PALS1: variants seen among roughly 807,000 people sequenced by gnomAD.
The protein encoded by PALS1 is protein PALS1.
Under a neutral mutation model 78.9 loss-of-function variants are expected in PALS1, and 31 were observed. The observed-to-expected ratio is 0.39, with a 90% confidence interval of 0.30 to 0.53. PALS1 has a LOEUF of 0.53. Among genes scored for constraint, PALS1 ranks in the 20% least tolerant of loss-of-function variants. The pLI is 0.67. For missense variants in PALS1, 704 were observed against 826.5 expected, an observed-to-expected ratio of 0.85 and a Z score of 1.82; for synonymous variants, 276 against 270.9, an observed-to-expected ratio of 1.02 and a Z score of -0.18.
chr14:67,269,573 AAG>A (rs1284016783), intron 1 of PALS1, 126 bp from the exon 2 acceptor site: 1 of 152,534 alleles, frequency 6.6e-6, no homozygotes, highest in Non-Finnish European at 1.5e-5. Context: ...ATTTCTGACT[AAG>A]AAATCCTAGC....
At chr14:67,293,498 G>A (rs1349758308) in intron 4 of PALS1, among the ~76,000 whole-genome samples, 1 of 152,126 alleles carries the variant, frequency 6.6e-6, no homozygotes, top group Non-Finnish European at 1.5e-5. Flanking sequence ...TATAAAATAG[G>A]TTAGAAGGTA....
chr14:67,258,527 T>C (rs2084181210), intron 1 of PALS1, among the ~76,000 whole-genome samples: 1 of 152,014 alleles, frequency 6.6e-6, no homozygotes, highest in Admixed American at 6.5e-5. Context: ...GCTTAGGTGA[T>C]CCTCTTGCCT....
chr14:67,327,557 G>A (rs1324160417), intron 14 of PALS1, among the ~76,000 whole-genome samples: 1 of 151,834 alleles, frequency 6.6e-6, no homozygotes, highest in Non-Finnish European at 1.5e-5. Context: ...TGTTACGTAT[G>A]TATACATGTG....
At chr14:67,245,863 C>T (rs1204564737) in intron 1 of PALS1, among the ~76,000 whole-genome samples, 2 of 148,990 alleles carry the variant, frequency 1.3e-5, no homozygotes, top group Non-Finnish European at 2.9e-5. Flanking sequence ...GATTTTTCTC[C>T]AATTTTTTTT....
At chr14:67,263,993 G>A (rs1198479043) in intron 1 of PALS1, among the ~76,000 whole-genome samples, 2 of 152,084 alleles carry the variant, frequency 1.3e-5, no homozygotes, top group African/African-American at 4.8e-5. Context: ...GAACTCCTGG[G>A]CTTAAGTGAT....
At chr14:67,323,867 T>C (rs1022022706) in intron 14 of PALS1, 55 bp downstream of exon 14, 4 of 885,070 alleles carry the variant, frequency 4.5e-6, no homozygotes, top group Non-Finnish European at 7.1e-6. Flanking sequence ...GAAACAGTCC[T>C]GGTCTAATTT....
Position 67,301,896 on chromosome 14 carries a change from T to A in PALS1, c.655-76T>A, listed in dbSNP as rs1053613031. 2.0e-5 allele frequency: 29 copies of A among 1,437,604 alleles called. No homozygotes were observed. In the East Asian group the frequency reaches 6.7e-4, roughly 33 times the overall value. 89.1% of individuals were successfully genotyped at this position (1,437,604 alleles called of 1,614,324 possible). A position where few individuals can be genotyped will look rare whatever the true frequency, so the allele number is the denominator to read the frequency against. ...TAAAGATTTAATGGTCAGAATACTA[T>A]GTACATAGGTTAAAAATCACTCTGC... On this transcript the variant is annotated intron_variant, in intron 5 of 14. Coordinates refer to ENST00000261681, the MANE Select transcript of PALS1 (RefSeq NM_022474.4).
intron 3 of PALS1, among the ~76,000 whole-genome samples, chr14:67,285,428 G>A (rs994868067): frequency 3.3e-5 from 5 of 149,766 alleles, no homozygotes; most frequent in Admixed American, 6.7e-5. Context: ...GTGCAGTGGC[G>A]CGATCTCGGC....
At chr14:67,277,209 C>T (rs989398642) in intron 2 of PALS1, among the ~76,000 whole-genome samples, 9 of 152,058 alleles carry the variant, frequency 5.9e-5, no homozygotes, top group Admixed American at 3.9e-4. Flanking sequence ...TTAATGAAAA[C>T]GAAGGCAGTC....
intron 3 of PALS1, among the ~76,000 whole-genome samples, chr14:67,289,809 C>T (rs1486882340): frequency 4.1e-5 from 5 of 122,534 alleles, no homozygotes; most frequent in Non-Finnish European, 4.7e-5. Context: ...GTCTCTCTGT[C>T]GCCCAAGCTG....
chr14:67,242,669 G>A (rs2083922379), intron 1 of PALS1, among the ~76,000 whole-genome samples: 1 of 151,420 alleles, frequency 6.6e-6, no homozygotes, highest in Admixed American at 6.6e-5. Flanking sequence ...AGCTATTGTG[G>A]ATAGGTTTTA....
chr14:67,324,077 A>G (rs1302840573), intron 14 of PALS1, among the ~76,000 whole-genome samples: 1 of 152,140 alleles, frequency 6.6e-6, no homozygotes, highest in African/African-American at 2.4e-5. Context: ...ACTGCCACCA[A>G]AGTTATCAGC....
At chr14:67,310,609 A>G (rs879781849) in intron 8 of PALS1, among the ~76,000 whole-genome samples, 2 of 152,196 alleles carry the variant, frequency 1.3e-5, no homozygotes, top group Non-Finnish European at 2.9e-5. Context: ...TTTGTGTATC[A>G]AAAGTTACTC....
intron 4 of PALS1, chr14:67,294,603 A>G (rs1444187966): frequency 6.6e-6 from 1 of 152,214 alleles, no homozygotes; most frequent in African/African-American, 2.4e-5. Flanking sequence ...TCAAATTTTA[A>G]GGTCTAGATT....
At chr14:67,242,903 A>G (rs555123211) in intron 1 of PALS1, among the ~76,000 whole-genome samples, 21 of 152,202 alleles carry the variant, frequency 1.4e-4, no homozygotes, top group African/African-American at 4.3e-4. Context: ...GGGAGAGAAT[A>G]TATAAGTTCT....
At chr14:67,274,913 GCTCT>G (rs571233831) in intron 2 of PALS1, among the ~76,000 whole-genome samples, 3,661 of 152,142 alleles carry the variant, frequency 0.024, 64 homozygotes, top group Non-Finnish European at 0.036. Context: ...TCATGATTTG[GCTCT>G]CTATTTGTCT....
chr14:67,328,023 G>T (rs2085385925), intron 14 of PALS1, among the ~76,000 whole-genome samples: 1 of 152,314 alleles, frequency 6.6e-6, no homozygotes, highest in East Asian at 1.9e-4. Flanking sequence ...GGGTCAAATG[G>T]TATTTCTAGT....
chr14:67,316,947 T>G (rs374281093), intron 10 of PALS1, 44 bp downstream of exon 10: 27 of 1,484,182 alleles, frequency 1.8e-5, no homozygotes, highest in Non-Finnish European at 2.5e-5. Context: ...TTCTTGGGTC[T>G]TCATCTGGAG....
chr14:67,321,398 T>C lies in PALS1; in HGVS notation c.1740+139T>C, dbSNP rs1030908524. 4 of 759,486 alleles carry C rather than the reference T, an allele frequency of 5.3e-6. No individual in the cohort carries two copies. The African/African-American group carries it at 7.2e-5, about 14-fold the overall frequency. The allele number at this position is 759,486 out of a possible 1,614,324, so 47.0% of individuals were successfully genotyped here. A position where few individuals can be genotyped will look rare whatever the true frequency, so the allele number is the denominator to read the frequency against. On this transcript the variant is annotated intron_variant, in intron 13 of 14. Transcript: ENST00000261681. ...CGGTTTTTCCCACTGATTTGCTATCTGAAATCACACAGGTTGCTAAATCTC... is the reference window on the plus strand; with the variant it reads ...CGGTTTTTCCCACTGATTTGCTATCCGAAATCACACAGGTTGCTAAATCTC...
Sources: gnomAD v4.1 joint callset for allele counts (sites outside exome capture counted in the v4.1 genomes callset) on GRCh38, gnomAD v4.1.1 for gene constraint, MANE v1.5 for transcripts, NCBI Gene and HGNC (gene_info 2026-07-23, HGNC 2026-07-21) for gene names.